TTC39A: variants seen among roughly 807,000 people sequenced by gnomAD.
The protein encoded by TTC39A is tetratricopeptide repeat protein 39A.
In TTC39A, 46 loss-of-function variants were observed where a neutral mutation model predicts 82.3. The observed-to-expected ratio is 0.56, with a 90% CI of 0.44 to 0.71. The LOEUF (loss-of-function observed/expected upper bound fraction) is 0.71. TTC39A is among the 30% of genes least tolerant of loss of function. The pLI is 0.00. For missense variants in TTC39A, 543 were observed against 712.9 expected (o/e 0.76, Z 2.71); for synonymous variants, 254 against 275.2 (o/e 0.92, Z 0.76).
Position 51,321,985 on chromosome 1 carries a change from C to T in TTC39A, c.42-160G>A. 2 of 1,373,910 alleles carry T rather than the reference C, an allele frequency of 1.5e-6. No homozygotes were observed. The highest frequency in any genetic ancestry group is 2.7e-5 in the South Asian group (2 of 72,754). 85.1% of individuals were successfully genotyped at this position (1,373,910 alleles called of 1,614,324 possible). A position where few individuals can be genotyped will look rare whatever the true frequency, so the allele number is the denominator to read the frequency against. On this transcript the variant is annotated intron_variant, in intron 1 of 17. Transcript: ENST00000680483. This position sits in a 1 kb window ranked among gnomAD's most constrained non-coding sequence, Gnocchi z 4.6. ...GCCACTCTGTACTGGGACGCAGGGACAATTTGGACCCACCTCTTGGTGTTC... is the reference window on the plus strand; with the variant it reads ...GCCACTCTGTACTGGGACGCAGGGATAATTTGGACCCACCTCTTGGTGTTC...
chr1:51,328,134 A>C (rs1019541834), intron 1 of TTC39A, among the ~76,000 whole-genome samples: 3 of 152,124 alleles, frequency 2.0e-5, no homozygotes, highest in African/African-American at 7.2e-5. Context: ...GATCGCTTGA[A>C]CCCAGTAGTT....
chr1:51,318,496 C>T (rs1370455753), intron 2 of TTC39A, among the ~76,000 whole-genome samples: 1 of 152,178 alleles, frequency 6.6e-6, no homozygotes, highest in Non-Finnish European at 1.5e-5. Context: ...CTGGAACACC[C>T]ACCCCACCCC....
chr1:51,306,720 C>T (rs1054672975), intron 6 of TTC39A, among the ~76,000 whole-genome samples: 2 of 152,218 alleles, frequency 1.3e-5, no homozygotes, highest in Non-Finnish European at 2.9e-5. Flanking sequence ...TGTCTGCCTC[C>T]TTCCTGGGCT....
intron 5 of TTC39A, 104 bp from the exon 6 acceptor site, chr1:51,309,429 C>T (rs745817846): frequency 7.6e-6 from 12 of 1,580,754 alleles, no homozygotes; most frequent in Non-Finnish European, 8.6e-6. Flanking sequence ...GTGTGAGGAA[C>T]CCTGGGGGGA....
At chr1:51,330,928 G>C (rs975488249), upstream of TTC39A, 10 of 618,266 alleles carry the variant, frequency 1.6e-5, no homozygotes, top group Non-Finnish European at 2.9e-5. The surrounding 1 kb of genome is among the most constrained non-coding windows in gnomAD (Gnocchi z 4.5). Flanking sequence ...CATTAATGGG[G>C]GCATTCGTGC....
At chr1:51,324,205 G>T (rs924941309) in intron 1 of TTC39A, among the ~76,000 whole-genome samples, 8 of 152,180 alleles carry the variant, frequency 5.3e-5, no homozygotes, top group Admixed American at 6.5e-5. Context: ...AACTTTGCTG[G>T]TGGGGGCGGA....
rs771565941 is a variant in TTC39A at position 51,309,297 on chromosome 1, C to T, written c.452G>A (p.Gly151Asp). 6.2e-7 allele frequency: 1 copy of T among 1,612,802 alleles called. No individual in the cohort carries two copies. Among genetic ancestry groups the T allele is most frequent in the South Asian group, 1.1e-5 (1 of 90,638 alleles). ...QDENMVSFIKGGIKVRNSYQT... is the reference protein window; with the variant it reads ...QDENMVSFIKDGIKVRNSYQT... ...GTAGCTGTTTCGAACTTTGATGCCGCCTTTGATGAAGCTCACCATGTTCTC... is the reference window on the plus strand; with the variant it reads ...GTAGCTGTTTCGAACTTTGATGCCGTCTTTGATGAAGCTCACCATGTTCTC... The change falls in exon 6 of 18, where the codon GGC becomes GAC. Residue 151 changes from glycine (G) to aspartate (D), a missense_variant. Coordinates refer to ENST00000680483, the MANE Select transcript of TTC39A (RefSeq NM_001297663.2).
chr1:51,315,882 G>A (rs953050492), intron 2 of TTC39A, among the ~76,000 whole-genome samples: 10 of 152,226 alleles, frequency 6.6e-5, no homozygotes, highest in African/African-American at 2.2e-4. Context: ...GCAGCTTCAC[G>A]GGTGTGTGGT....
intron 14 of TTC39A, among the ~76,000 whole-genome samples, chr1:51,293,066 A>ATT (rs566400161): frequency 1.4e-4 from 18 of 130,588 alleles, no homozygotes; most frequent in African/African-American, 3.1e-4. Flanking sequence ...GCTTTACTGT[A>ATT]TTTTTTTTTT....
At position 51,288,747 on chromosome 1, in the gene TTC39A, A is replaced by G; in HGVS notation, c.1610+92T>C. ...CCAGACTGGCCTTGCTAGCAACTCC[A>G]CTCACTGCTCTCTGGGCAACTCTGT... On this transcript the variant is annotated intron_variant, in intron 17 of 17. Transcript: ENST00000680483. The surrounding 1 kb of genome is among the most constrained non-coding windows in gnomAD (Gnocchi z 4.8). 8.1e-7 allele frequency: 1 copy of G among 1,232,392 alleles called. No individual in the cohort carries two copies. Among genetic ancestry groups the G allele is most frequent in the Non-Finnish European group, 1.2e-6 (1 of 867,392 alleles). The allele number at this position is 1,232,392 out of a possible 1,614,324, so 76.3% of individuals were successfully genotyped here. A position where few individuals can be genotyped will look rare whatever the true frequency, so the allele number is the denominator to read the frequency against.
chr1:51,330,302 G>T lies in TTC39A; in HGVS notation c.41+135C>A. On this transcript the variant is annotated intron_variant, in intron 1 of 17. Coordinates refer to ENST00000680483, the MANE Select transcript of TTC39A (RefSeq NM_001297663.2). This position sits in a 1 kb window ranked among gnomAD's most constrained non-coding sequence, Gnocchi z 4.5. ...GCAGCGGCGGCGGCTGCCAGGGGCC[G>T]GGCGGGGTGGGGGCTGGAAGCCGCA... 1 of 927,034 alleles carries T rather than the reference G, an allele frequency of 1.1e-6. No individual in the cohort carries two copies. Among genetic ancestry groups the T allele is most frequent in the Non-Finnish European group, 1.3e-6 (1 of 777,574 alleles). 57.4% of individuals were successfully genotyped at this position (927,034 alleles called of 1,614,324 possible).
At chr1:51,336,091 C>T (rs1645971394), upstream of TTC39A, among the ~76,000 whole-genome samples, 3 of 152,210 alleles carry the variant, frequency 2.0e-5, no homozygotes, top group South Asian at 6.2e-4. Context: ...AGAACCCTTC[C>T]TCTCTCACTG....
Position 51,312,897 on chromosome 1 carries a change from C to A in TTC39A, c.193G>T (p.Glu65Ter). ...YHSLTYATIL[E>*]MQAMMTFDPQ... ...TCAAAGGTCATCATGGCCTGCATCT[C>A]CAGGATGGTGGCATATGTCAGTGAG... The change falls in exon 3 of 18, where the codon GAG becomes TAG. Residue 65 changes from glutamate to a stop codon, truncating the protein, a stop_gained. Transcript: ENST00000680483. LOFTEE classifies it high-confidence loss of function. 1 of 1,613,948 alleles carries A rather than the reference C, an allele frequency of 6.2e-7. No individual in the cohort carries two copies. The highest frequency in any genetic ancestry group is 8.5e-7 in the Non-Finnish European group (1 of 1,179,852).
Position 51,321,572 on chromosome 1 carries a change from C to T in TTC39A, c.146+149G>A, listed in dbSNP as rs113744597. 12,561 of 682,376 alleles carry T rather than the reference C, an allele frequency of 0.018. 213 individuals are homozygous for T. The highest frequency in any genetic ancestry group is 0.021 in the Non-Finnish European group (8,208 of 394,912). The allele number at this position is 682,376 out of a possible 1,614,324, so 42.3% of individuals were successfully genotyped here. A position where few individuals can be genotyped will look rare whatever the true frequency, so the allele number is the denominator to read the frequency against. On this transcript the variant is annotated intron_variant, in intron 2 of 17. Transcript: ENST00000680483. This position sits in a 1 kb window ranked among gnomAD's most constrained non-coding sequence, Gnocchi z 4.6. ...GCTGCACACAGGCCGTGGAATGGAG[C>T]TTGAGCCATTTTTATGGGACTTCTC... is the stretch of plus-strand genomic sequence containing the variant.
intron 1 of TTC39A, among the ~76,000 whole-genome samples, chr1:51,341,271 G>T (rs1278050831): frequency 6.8e-6 from 1 of 146,028 alleles, no homozygotes; most frequent in African/African-American, 2.5e-5. Flanking sequence ...ACCATCCCAG[G>T]ACTTGAGCTT....
At chr1:51,303,449 C>T (rs1309891994) in intron 8 of TTC39A, among the ~76,000 whole-genome samples, 1 of 152,240 alleles carries the variant, frequency 6.6e-6, no homozygotes, top group Non-Finnish European at 1.5e-5. Context: ...TCCACAGCCC[C>T]TTCCCCAGCC....
intron 6 of TTC39A, 45 bp from the exon 7 acceptor site, chr1:51,306,121 G>A (rs1325721469): frequency 4.5e-6 from 7 of 1,552,296 alleles, no homozygotes; most frequent in Non-Finnish European, 5.3e-6. Flanking sequence ...GCTGGGGGTG[G>A]GGGGTAGGGG....
intron 1 of TTC39A, chr1:51,329,721 T>C (rs1357803407): frequency 6.6e-6 from 1 of 152,356 alleles, no homozygotes; most frequent in East Asian, 1.9e-4. Flanking sequence ...AGCTGCCCCC[T>C]GCCCTGCCCA....
At chr1:51,322,985 TC>T (rs1432177092) in intron 1 of TTC39A, among the ~76,000 whole-genome samples, 1 of 152,180 alleles carries the variant, frequency 6.6e-6, no homozygotes, top group Non-Finnish European at 1.5e-5. Flanking sequence ...CAATCTGTTC[TC>T]CCCCAGTCTT....
Sources: allele counts gnomAD v4.1 joint callset (sites outside exome capture counted in the v4.1 genomes callset), GRCh38; gene constraint gnomAD v4.1.1; non-coding constraint Gnocchi (gnomAD v3.1); transcripts MANE v1.5; gene names NCBI Gene and HGNC (gene_info 2026-07-23, HGNC 2026-07-21).